The following PKD1L1 variants were observed in gnomAD, a reference collection of about 807,000 sequenced individuals.
The protein encoded by PKD1L1 is polycystin-1-like protein 1.
PKD1L1 carries 236 observed loss-of-function variants against 323.4 expected under a neutral mutation model. The observed-to-expected ratio is 0.73, with a 90% confidence interval of 0.66 to 0.81. PKD1L1 has a LOEUF of 0.81. Ranked by LOEUF, PKD1L1 falls within the 40% of genes least tolerant of loss-of-function variation. The probability of loss-of-function intolerance (pLI) is 0.00; values close to 1 mark genes in which losing one functional copy is unlikely to be tolerated. For synonymous variants in PKD1L1, 1,344 were observed against 1,335.0 expected, an observed-to-expected ratio of 1.01 and a Z score of -0.15; for missense variants, 3,320 against 3,508.0, an observed-to-expected ratio of 0.95 and a Z score of 1.35.
chr7:47,839,460 GT>G lies in PKD1L1; in HGVS notation c.5754del (p.Leu1919SerfsTer182). The G allele has an allele frequency of 6.2e-7, 1 of 1,609,838 alleles. No individual in the cohort carries two copies. Among genetic ancestry groups the G allele is most frequent in the Non-Finnish European group, 8.5e-7 (1 of 1,178,030 alleles). On this transcript the variant is annotated frameshift_variant, in exon 36 of 57. Coordinates refer to ENST00000289672, the MANE Select transcript of PKD1L1 (RefSeq NM_138295.5). LOFTEE classifies it high-confidence loss of function. This position sits in a 1 kb window ranked among gnomAD's most constrained non-coding sequence, Gnocchi z 4.3. ...VERELTCLQG[G>X]LGFRKLFYCK... ...AGGGAGCCTACCTTCCGGAAGCCGA[GT>G]CCCCCTTGCAGACAGGTGAGCTCCC...
chr7:47,783,056 C>G (rs1048198500), intron 56 of PKD1L1, among the ~76,000 whole-genome samples: 10 of 152,186 alleles, frequency 6.6e-5, no homozygotes, highest in Non-Finnish European at 1.0e-4. Context: ...GCAACAGGAG[C>G]TCCTGACCTC....
At chr7:47,949,368 C>CAAAAAAAAAAAAA (rs58131581), upstream of PKD1L1, among the ~76,000 whole-genome samples, 1,008 of 57,050 alleles carry the variant, frequency 0.018, 209 homozygotes, top group Middle Eastern at 0.029. Context: ...GGCTCTGTCT[C>CAAAAAAAAAAAAA]AAAAAAAAAA....
intron 31 of PKD1L1, among the ~76,000 whole-genome samples, chr7:47,852,168 C>T (rs532146476): frequency 8.5e-4 from 129 of 152,218 alleles, no homozygotes; most frequent in Non-Finnish European, 1.3e-3. Flanking sequence ...CATCCCCCAC[C>T]CACATGTGCA....
chr7:47,856,188 C>A (rs6943137), intron 28 of PKD1L1, among the ~76,000 whole-genome samples: 2 of 151,768 alleles, frequency 1.3e-5, no homozygotes, highest in Non-Finnish European at 2.9e-5. Flanking sequence ...CAGGCACGTG[C>A]CACCACACTC....
intron 36 of PKD1L1, among the ~76,000 whole-genome samples, chr7:47,837,733 T>C (rs1009417546): frequency 6.6e-6 from 1 of 152,222 alleles, no homozygotes; most frequent in African/African-American, 2.4e-5. Flanking sequence ...CAGTGGGAGA[T>C]ACGTTGTTTA....
At chr7:47,803,371 T>C in intron 52 of PKD1L1, 27 bp from the exon 53 acceptor site, 2 of 1,612,010 alleles carry the variant, frequency 1.2e-6, no homozygotes, top group Non-Finnish European at 1.7e-6. Flanking sequence ...TAACAGTCAG[T>C]GTGCCATGCC....
chr7:47,926,431 T>C (rs1358934059), intron 7 of PKD1L1, among the ~76,000 whole-genome samples: 2 of 152,216 alleles, frequency 1.3e-5, no homozygotes, highest in Non-Finnish European at 2.9e-5. Flanking sequence ...TATTGATTGA[T>C]ATCTTACGTC....
chr7:47,850,416 G>A (rs899519172), intron 31 of PKD1L1, among the ~76,000 whole-genome samples: 10 of 152,028 alleles, frequency 6.6e-5, no homozygotes, highest in African/African-American at 1.9e-4. Flanking sequence ...TGGATGACCC[G>A]AGGTCAGGAG....
chr7:47,957,029 G>A, the PKD1L1 span: 1 of 153,174 alleles, frequency 6.5e-6, no homozygotes, highest in Non-Finnish European at 1.5e-5. Context: ...CTATTCAAGA[G>A]CCAGATGATG....
intron 34 of PKD1L1, among the ~76,000 whole-genome samples, chr7:47,842,535 C>T (rs1039871193): frequency 6.6e-6 from 1 of 152,178 alleles, no homozygotes; most frequent in African/African-American, 2.4e-5. Flanking sequence ...CACCCCTGCT[C>T]CACTGGGCCC....
intron 14 of PKD1L1, among the ~76,000 whole-genome samples, chr7:47,896,727 A>C (rs1406933825): frequency 6.6e-6 from 1 of 152,136 alleles, no homozygotes; most frequent in Non-Finnish European, 1.5e-5. Context: ...CCACTCGTTC[A>C]GTATTACAGA....
intron 7 of PKD1L1, among the ~76,000 whole-genome samples, chr7:47,927,546 G>A (rs1036971259): frequency 5.3e-5 from 8 of 152,092 alleles, no homozygotes; most frequent in African/African-American, 1.9e-4. Context: ...TTACAGGCGT[G>A]AGCCACCACA....
At chr7:47,922,886 C>T (rs935564144) in intron 7 of PKD1L1, among the ~76,000 whole-genome samples, 2 of 152,090 alleles carry the variant, frequency 1.3e-5, no homozygotes, top group African/African-American at 2.4e-5. Flanking sequence ...GCGGTTTTGT[C>T]GAATAGAAAA....
intron 14 of PKD1L1, 24 bp downstream of exon 14, chr7:47,897,964 A>G (rs1219838888): frequency 2.5e-6 from 4 of 1,571,118 alleles, no homozygotes; most frequent in South Asian, 2.3e-5. Flanking sequence ...TTGGGCCAGT[A>G]GAGCAGTAAG....
At chr7:47,944,651 AGCCCCAAAGCTCT>A in intron 1 of PKD1L1, among the ~76,000 whole-genome samples, 1 of 152,348 alleles carries the variant, frequency 6.6e-6, no homozygotes, top group African/African-American at 2.4e-5. Flanking sequence ...AGCTGAAGTC[AGCCCCAAAGCTCT>A]GCCCCTTGGC....
chr7:47,819,551 C>A, intron 46 of PKD1L1: 3 of 1,362,298 alleles, frequency 2.2e-6, no homozygotes, highest in Non-Finnish European at 2.9e-6. Flanking sequence ...GATAGGAGAG[C>A]TGAAAAGTTG....
intron 53 of PKD1L1, among the ~76,000 whole-genome samples, chr7:47,802,612 C>A (rs1784688419): frequency 6.6e-6 from 1 of 152,210 alleles, no homozygotes; most frequent in Non-Finnish European, 1.5e-5. Flanking sequence ...GATTGCAATT[C>A]TTTGCTGTAC....
chr7:47,912,815 C>CAAA (rs59792729), intron 8 of PKD1L1, among the ~76,000 whole-genome samples: 88 of 63,586 alleles, frequency 1.4e-3, no homozygotes, highest in African/African-American at 1.9e-3. Flanking sequence ...GACTGTGTCT[C>CAAA]AAAAAAAAAA....
chr7:47,788,829 C>A (rs962427468), intron 56 of PKD1L1, among the ~76,000 whole-genome samples: 12 of 150,886 alleles, frequency 8.0e-5, no homozygotes, highest in African/African-American at 2.9e-4. Flanking sequence ...GATCTCCTGA[C>A]CTCATGATCC....
Sources: allele counts gnomAD v4.1 joint callset (sites outside exome capture counted in the v4.1 genomes callset), GRCh38; gene constraint gnomAD v4.1.1; non-coding constraint Gnocchi (gnomAD v3.1); transcripts MANE v1.5; gene names NCBI Gene and HGNC (gene_info 2026-07-23, HGNC 2026-07-21).